Variants in PGBD5 observed in about 807,000 individuals in gnomAD.
The protein encoded by PGBD5 is piggyBac transposable element derived 5.
A neutral mutation model predicts 47.9 loss-of-function variants in PGBD5; 14 were observed. The observed-to-expected ratio is 0.29, with a 90% CI of 0.19 to 0.46. The LOEUF is 0.46. Among genes scored for constraint, PGBD5 ranks in the 20% least tolerant of loss-of-function variants. The pLI, the probability that PGBD5 is intolerant of heterozygous loss-of-function variation, is 1.00. For synonymous variants in PGBD5, 316 were observed against 306.3 expected (o/e 1.03, Z -0.33); for missense variants, 635 against 716.0 (o/e 0.89, Z 1.29).
intron 1 of PGBD5, among the ~76,000 whole-genome samples, chr1:230,360,462 A>T (rs575221095): frequency 3.3e-5 from 5 of 152,282 alleles, no homozygotes; most frequent in African/African-American, 9.6e-5. Context: ...CTCATCTTGA[A>T]TTGTAATCCC....
In PGBD5 at chr1:230,335,642, CACAGACGCACAA is replaced by C. The variant is rs1432187026; in HGVS notation, c.1075+1454_1075+1465del. Reference sequence around the variant, plus strand: ...ACACAGGTACACACACAGACACAAACACAGACGCACAAACAGACACACACAGATACACAGATA... The same window carrying C: ...ACACAGGTACACACACAGACACAAACACAGACACACACAGATACACAGATA... On this transcript the variant is annotated intron_variant, in intron 4 of 6. Transcript: ENST00000391860. 4.8e-5 allele frequency among the ~76,000 whole-genome samples: 5 copies of C among 103,538 alleles called. 1 individual carries two copies. Among genetic ancestry groups the C allele is most frequent in the Non-Finnish European group, 1.1e-4 (5 of 45,084 alleles). 67.9% of individuals were successfully genotyped at this position (103,538 alleles called of 152,430 possible).
intron 1 of PGBD5, among the ~76,000 whole-genome samples, chr1:230,405,490 A>G (rs1431773036): frequency 2.6e-5 from 4 of 152,240 alleles, no homozygotes; most frequent in African/African-American, 9.6e-5. Flanking sequence ...TATAATACAC[A>G]TAACATACAA....
At chr1:230,374,254 T>C (rs1667978682) in intron 1 of PGBD5, among the ~76,000 whole-genome samples, 1 of 151,954 alleles carries the variant, frequency 6.6e-6, no homozygotes, top group South Asian at 2.1e-4. Context: ...CTGTCTCTAC[T>C]AAAAATACAA....
At chr1:230,344,370 A>G (rs1376302777) in intron 3 of PGBD5, among the ~76,000 whole-genome samples, 1 of 152,046 alleles carries the variant, frequency 6.6e-6, no homozygotes, top group Admixed American at 6.5e-5. Context: ...AATTTTAGGC[A>G]AGGCAGCAAA....
At chr1:230,362,630 T>C (rs1667765848) in intron 1 of PGBD5, among the ~76,000 whole-genome samples, 1 of 152,144 alleles carries the variant, frequency 6.6e-6, no homozygotes. Flanking sequence ...ATGCTCGTTT[T>C]TGGTCTGCTT....
At chr1:230,415,950 G>A (rs927736211) in intron 1 of PGBD5, among the ~76,000 whole-genome samples, 78 of 152,312 alleles carry the variant, frequency 5.1e-4, no homozygotes, top group African/African-American at 1.8e-3. Flanking sequence ...TTTAAAAATA[G>A]GGATAATGAC....
Position 230,373,222 on chromosome 1 carries a change from G to A in PGBD5, c.332-15901C>T, listed in dbSNP as rs828456. Among the ~76,000 whole-genome samples, 1,444 of 152,232 alleles carry A rather than the reference G, an allele frequency of 9.5e-3. 9 individuals carry two copies. Among genetic ancestry groups the A allele is most frequent in the Non-Finnish European group, 0.013 (897 of 68,006 alleles). Reference sequence around the variant, plus strand: ...AAACCACTCTGTGCAGGTGCAACCCGTGTCACCTGCACCTCACACACTCAC... The same window carrying A: ...AAACCACTCTGTGCAGGTGCAACCCATGTCACCTGCACCTCACACACTCAC... On this transcript the variant is annotated intron_variant, in intron 1 of 6. Transcript: ENST00000391860.
intron 1 of PGBD5, among the ~76,000 whole-genome samples, chr1:230,388,561 G>A (rs1432153799): frequency 2.0e-5 from 3 of 151,960 alleles, no homozygotes; most frequent in African/African-American, 7.3e-5. Flanking sequence ...GACTACAGGC[G>A]CCCGCCACCA....
At chr1:230,366,352 G>A (rs889046083) in intron 1 of PGBD5, among the ~76,000 whole-genome samples, 2 of 122,990 alleles carry the variant, frequency 1.6e-5, no homozygotes, top group African/African-American at 5.4e-5. Flanking sequence ...GGGTGGTGGG[G>A]CTGGATCCTG....
chr1:230,408,936 A>G (rs1657353091), intron 1 of PGBD5, among the ~76,000 whole-genome samples: 1 of 152,206 alleles, frequency 6.6e-6, no homozygotes, highest in African/African-American at 2.4e-5. Flanking sequence ...AATGGAAGAA[A>G]AAACTTGGAA....
At chr1:230,347,675 T>C (rs1299273301) in intron 3 of PGBD5, among the ~76,000 whole-genome samples, 1 of 151,824 alleles carries the variant, frequency 6.6e-6, no homozygotes, top group Non-Finnish European at 1.5e-5. Context: ...GGGGCAACAA[T>C]GTCTATGCAT....
intron 5 of PGBD5, among the ~76,000 whole-genome samples, chr1:230,332,206 A>AAGCCTCCGTGTGAAGGCAGGGGAGGC (rs1354900316): frequency 3.9e-5 from 6 of 152,216 alleles, no homozygotes; most frequent in African/African-American, 1.2e-4. Flanking sequence ...GTCTTGAGGA[A>AAGCCTCCGTGTGAAGGCAGGGGAGGC]AGCCTCCGTG....
chr1:230,422,991 G>T (rs1657692054), intron 1 of PGBD5, among the ~76,000 whole-genome samples: 1 of 150,546 alleles, frequency 6.6e-6, no homozygotes, highest in Non-Finnish European at 1.5e-5. Flanking sequence ...CTCTGCAAAG[G>T]TTTCTAGGTC....
intron 1 of PGBD5, chr1:230,367,830 GCATTCTCGCGTCCAATTT>G (rs67268030): frequency 0.71 from 872,446 of 1,227,706 alleles, 313,421 homozygotes; most frequent in Non-Finnish European, 0.74. Context: ...ACTACAAAGA[GCATTCTCGCGTCCAATTT>G]CATTCTCGCA....
At chr1:230,348,384 G>A (rs1571833981) in intron 3 of PGBD5, among the ~76,000 whole-genome samples, 1 of 152,210 alleles carries the variant, frequency 6.6e-6, no homozygotes, top group African/African-American at 2.4e-5. Context: ...CGAGGGAAGA[G>A]GCAGGTTGAG....
Position 230,319,359 on chromosome 1 carries a change from A to G in PGBD5, c.*4066T>C, listed in dbSNP as rs1047849204. On this transcript the variant is annotated 3_prime_UTR_variant, in exon 7 of 7. Coordinates refer to ENST00000391860, the MANE Select transcript of PGBD5 (RefSeq NM_001258311.2). ...ACAGATCTGGGAGGTACCACACCCA[A>G]GGTCACCTTTCTCCCCCATCAGTGT... 11 of 152,248 alleles carry G rather than the reference A, an allele frequency of 7.2e-5. No individual in the cohort carries two copies. The highest frequency in any genetic ancestry group is 2.7e-4 in the African/African-American group (11 of 41,458). The allele number at this position is 152,248 out of a possible 1,614,324, so 9.4% of individuals were successfully genotyped here. A position where few individuals can be genotyped will look rare whatever the true frequency, so the allele number is the denominator to read the frequency against.
At chr1:230,387,510 G>A (rs1362668372) in intron 1 of PGBD5, among the ~76,000 whole-genome samples, 2 of 152,220 alleles carry the variant, frequency 1.3e-5, no homozygotes, top group Admixed American at 1.3e-4. Flanking sequence ...AGGCTGGGGG[G>A]AGGCTCCTTA....
intron 1 of PGBD5, among the ~76,000 whole-genome samples, chr1:230,388,369 C>A (rs1443982552): frequency 6.6e-5 from 10 of 151,948 alleles, no homozygotes; most frequent in African/African-American, 2.2e-4. Context: ...CTGAATCGTC[C>A]TCTGGCTGCA....
chr1:230,378,884 A>T (rs1357987490), intron 1 of PGBD5, among the ~76,000 whole-genome samples: 1 of 152,176 alleles, frequency 6.6e-6, no homozygotes, highest in African/African-American at 2.4e-5. Context: ...TGATGAGTCA[A>T]CCCAAAGAAA....
Sources: gnomAD v4.1 joint callset for allele counts (sites outside exome capture counted in the v4.1 genomes callset) on GRCh38, gnomAD v4.1.1 for gene constraint, MANE v1.5 for transcripts, NCBI Gene and HGNC (gene_info 2026-07-23, HGNC 2026-07-21) for gene names.